Variants in SPRR2B observed in about 807,000 individuals in gnomAD.
SPRR2B encodes small proline-rich protein 2B.
Under a neutral mutation model 1.0 loss-of-function variants are expected in SPRR2B, and 1 was observed. That is an observed-to-expected ratio of 1.01 (90% CI 0.36 to 4.77). The LOEUF (loss-of-function observed/expected upper bound fraction) is 4.77, where lower values mean the gene tolerates loss of function less well. SPRR2B is among the 30% of genes most tolerant of loss of function. The pLI, the probability that SPRR2B is intolerant of heterozygous loss-of-function variation, is 0.16. For synonymous variants in SPRR2B, 27 were observed against 33.4 expected (o/e 0.81, Z 0.66); for missense variants, 53 against 88.7 (o/e 0.60, Z 1.62).
chr1:153,085,286 C>A, the SPRR2B span, among the ~76,000 whole-genome samples: 24,445 of 152,006 alleles, frequency 0.16, 3,241 homozygotes, highest in East Asian at 0.49. Context: ...CACAATAAAA[C>A]AACACAGGAG....
At chr1:153,081,211 G>T in the SPRR2B span, among the ~76,000 whole-genome samples, 1 of 152,092 alleles carries the variant, frequency 6.6e-6, no homozygotes, top group East Asian at 1.9e-4. Context: ...TCATATCTAA[G>T]AAATCCTTAA....
the SPRR2B span, among the ~76,000 whole-genome samples, chr1:153,077,952 A>C: frequency 5.3e-5 from 8 of 152,356 alleles, no homozygotes; most frequent in Admixed American, 2.0e-4. Flanking sequence ...TCGAGTATAC[A>C]CAAAAGATAA....
At chr1:153,072,377 G>A (rs1362085826), upstream of SPRR2B, among the ~76,000 whole-genome samples, 1 of 152,110 alleles carries the variant, frequency 6.6e-6, no homozygotes, top group Non-Finnish European at 1.5e-5. Context: ...AATGTACTTA[G>A]TCACCACATT....
At chr1:153,077,795 A>G in the SPRR2B span, among the ~76,000 whole-genome samples, 877 of 152,232 alleles carry the variant, frequency 5.8e-3, 8 homozygotes, top group African/African-American at 0.02. Flanking sequence ...TTGTATTTTT[A>G]ATAGAGGCAG....
chr1:153,083,288 G>A, the SPRR2B span, among the ~76,000 whole-genome samples: 5 of 152,242 alleles, frequency 3.3e-5, no homozygotes, highest in South Asian at 8.3e-4. Flanking sequence ...TTTCAAAAAA[G>A]AAAGCTGAAA....
the SPRR2B span, among the ~76,000 whole-genome samples, chr1:153,081,136 G>A: frequency 2.1e-4 from 32 of 152,262 alleles, 1 homozygote; most frequent in South Asian, 6.0e-3. Context: ...GACACCTACC[G>A]TGACACACCT....
chr1:153,083,333 C>A, the SPRR2B span, among the ~76,000 whole-genome samples: 1 of 152,010 alleles, frequency 6.6e-6, no homozygotes. Flanking sequence ...CCATGAGGCC[C>A]GCCAATACCC....
the SPRR2B span, among the ~76,000 whole-genome samples, chr1:153,077,689 T>C: frequency 6.6e-6 from 1 of 152,128 alleles, no homozygotes; most frequent in Non-Finnish European, 1.5e-5. Context: ...TGATCTTGGT[T>C]CACTGCAACC....
At chr1:153,083,725 T>C in the SPRR2B span, among the ~76,000 whole-genome samples, 1 of 152,170 alleles carries the variant, frequency 6.6e-6, no homozygotes, top group Admixed American at 6.5e-5. Context: ...GCCATGGGCC[T>C]CTGGAATTCC....
chr1:153,078,933 A>G, the SPRR2B span, among the ~76,000 whole-genome samples: 2 of 152,194 alleles, frequency 1.3e-5, no homozygotes, highest in African/African-American at 4.8e-5. Context: ...CTGAGGAATC[A>G]CCACACTGAA....
upstream of SPRR2B, among the ~76,000 whole-genome samples, chr1:153,073,734 A>AC (rs1654720218): frequency 7.4e-6 from 1 of 135,016 alleles, no homozygotes; most frequent in African/African-American, 3.0e-5. Flanking sequence ...CACACACACA[A>AC]CATGAGTCTT....
At position 153,070,388 on chromosome 1, in the gene SPRR2B, C is replaced by T. The variant is rs958028414; in HGVS notation, c.*233G>A. The T allele has an allele frequency of 6.6e-6, 5 of 753,800 alleles. No individual in the cohort carries two copies. Among genetic ancestry groups the T allele is most frequent in the Non-Finnish European group, 1.0e-5 (5 of 486,726 alleles). The allele number at this position is 753,800 out of a possible 1,614,324, so 46.7% of individuals were successfully genotyped here. On this transcript the variant is annotated 3_prime_UTR_variant, in exon 2 of 2. Transcript: ENST00000368755. ...GCTCTTTCTGCTGAAGCTCTGGGAA[C>T]TGACAAAGCCAAGGTTCCTTTGCTC...
At position 153,070,534 on chromosome 1, in the gene SPRR2B, C is replaced by T; in HGVS notation, c.*87G>A. On this transcript the variant is annotated 3_prime_UTR_variant, in exon 2 of 2. Transcript: ENST00000368755. ...AAGCTCCCTATGAATCCATGATAAGCTTTGATGAGAAGATGAAGGTGGAGC... is the reference window on the plus strand; with the variant it reads ...AAGCTCCCTATGAATCCATGATAAGTTTTGATGAGAAGATGAAGGTGGAGC... 6.4e-7 allele frequency: 1 copy of T among 1,555,768 alleles called. No individual in the cohort carries two copies. Among genetic ancestry groups the T allele is most frequent in the South Asian group, 1.2e-5 (1 of 80,840 alleles).
the SPRR2B span, among the ~76,000 whole-genome samples, chr1:153,083,214 A>G: frequency 6.3e-4 from 96 of 152,328 alleles, no homozygotes; most frequent in African/African-American, 2.3e-3. Flanking sequence ...AAATCTCACA[A>G]GAAAGAAAAA....
the SPRR2B span, among the ~76,000 whole-genome samples, chr1:153,078,860 A>G: frequency 1.3e-5 from 2 of 152,212 alleles, no homozygotes; most frequent in Non-Finnish European, 2.9e-5. Context: ...ATGATTTATA[A>G]TCCTTTGGGT....
At chr1:153,085,653 T>TAG in the SPRR2B span, among the ~76,000 whole-genome samples, 5 of 152,062 alleles carry the variant, frequency 3.3e-5, no homozygotes, top group Non-Finnish European at 7.4e-5. Context: ...GCTAGAGAGG[T>TAG]AGACATTCAA....
Position 153,070,732 on chromosome 1 carries a change from G to A in SPRR2B, c.108C>T (p.Cys36=). Residue 36 remains cysteine, a synonymous_variant, in exon 2 of 2, where the codon TGC becomes TGT. Transcript: ENST00000368755. Reference sequence around the variant, plus strand: ...AGGGCTGTGGACACTTTGGTGGTGGGCAGGGCTCAGGGCACTTCGGGGGTG... The same window carrying A: ...AGGGCTGTGGACACTTTGGTGGTGGACAGGGCTCAGGGCACTTCGGGGGTG... The part of the protein sequence containing the change: ...PCPPPKCPEP[C]PPPKCPQPCP... 2 of 1,609,036 alleles carry A rather than the reference G, an allele frequency of 1.2e-6. No individual in the cohort carries two copies. The highest frequency in any genetic ancestry group is 1.7e-6 in the Non-Finnish European group (2 of 1,178,504).
the SPRR2B span, among the ~76,000 whole-genome samples, chr1:153,082,143 C>A: frequency 6.6e-6 from 1 of 151,852 alleles, no homozygotes; most frequent in Non-Finnish European, 1.5e-5. Flanking sequence ...CCCGATGAAA[C>A]CACAAAAATA....
the SPRR2B span, among the ~76,000 whole-genome samples, chr1:153,078,524 C>G: frequency 2.0e-5 from 3 of 152,126 alleles, no homozygotes; most frequent in Non-Finnish European, 4.4e-5. Flanking sequence ...TACCCCCACC[C>G]CACAACCGGC....
Sources: gnomAD v4.1 joint callset for allele counts (sites outside exome capture counted in the v4.1 genomes callset) on GRCh38, gnomAD v4.1.1 for gene constraint, MANE v1.5 for transcripts, NCBI Gene and HGNC (gene_info 2026-07-23, HGNC 2026-07-21) for gene names.